Variants in CFAP20DC observed in about 807,000 individuals in gnomAD.
CFAP20DC encodes the protein protein CFAP20DC.
A neutral mutation model predicts 101.7 loss-of-function variants in CFAP20DC; 84 were observed. The observed-to-expected ratio is 0.83, with a 90% CI of 0.69 to 0.99. CFAP20DC has a LOEUF of 0.99. Among genes scored for constraint, CFAP20DC ranks in the 50% least tolerant of loss-of-function variants. The pLI, the probability that CFAP20DC is intolerant of heterozygous loss-of-function variation, is 0.00. For synonymous variants in CFAP20DC, 359 were observed against 351.2 expected, an observed-to-expected ratio of 1.02 and a Z score of -0.25; for missense variants, 1,007 against 970.3, an observed-to-expected ratio of 1.04 and a Z score of -0.50.
chr3:58,937,098 C>T (rs2087792373), intron 5 of CFAP20DC, among the ~76,000 whole-genome samples: 1 of 152,156 alleles, frequency 6.6e-6, no homozygotes, highest in Non-Finnish European at 1.5e-5. Context: ...TCAGGCCCTT[C>T]AGAAGTTATA....
At chr3:58,893,769 CTTT>C (rs928083578) in intron 6 of CFAP20DC, among the ~76,000 whole-genome samples, 1 of 139,032 alleles carries the variant, frequency 7.2e-6, no homozygotes. Context: ...TGTTCCTGGG[CTTT>C]TTTTTTTTGG....
chr3:59,046,216 A>C lies in CFAP20DC; in HGVS notation c.205+13T>G. 1 of 1,503,876 alleles carries C rather than the reference A, an allele frequency of 6.6e-7. No homozygotes were observed. 93.2% of individuals were successfully genotyped at this position (1,503,876 alleles called of 1,614,324 possible). A position where few individuals can be genotyped will look rare whatever the true frequency, so the allele number is the denominator to read the frequency against. On this transcript the variant is annotated intron_variant, in intron 3 of 16. Transcript: ENST00000482387. ...ACAAAATGTTAAGTTTCAATATTAA[A>C]AATATTACTTACGGCTTTGCTTATT...
chr3:58,843,830 C>A lies in CFAP20DC; in HGVS notation c.1971+5202G>T, dbSNP rs1460180380. The stretch of plus-strand genomic sequence containing the variant: ...AGCGGATCTCTCGGCAGAAACCCTA[C>A]AAGCCAGAAGAGAGTGGGGGCCAAT... On this transcript the variant is annotated intron_variant, in intron 13 of 16. Transcript: ENST00000482387. Among the ~76,000 whole-genome samples, 3 of 143,508 alleles carry A rather than the reference C, an allele frequency of 2.1e-5. No homozygotes were observed. The East Asian group carries it at 6.1e-4, about 29-fold the overall frequency. The allele number at this position is 143,508 out of a possible 152,430, so 94.1% of individuals were successfully genotyped here. A position where few individuals can be genotyped will look rare whatever the true frequency, so the allele number is the denominator to read the frequency against.
chr3:58,871,143 A>AC (rs1398679040), intron 7 of CFAP20DC, among the ~76,000 whole-genome samples: 1 of 152,026 alleles, frequency 6.6e-6, no homozygotes, highest in Non-Finnish European at 1.5e-5. Flanking sequence ...AGAATAAGTG[A>AC]CCCCTTCATG....
intron 14 of CFAP20DC, among the ~76,000 whole-genome samples, chr3:58,807,030 T>C (rs950969215): frequency 1.3e-5 from 2 of 152,116 alleles, no homozygotes; most frequent in Admixed American, 6.6e-5. Context: ...GTGCCCGCCA[T>C]TGCCCAGACT....
intron 4 of CFAP20DC, among the ~76,000 whole-genome samples, chr3:58,956,935 C>T (rs1255557825): frequency 3.3e-5 from 5 of 152,116 alleles, no homozygotes; most frequent in African/African-American, 9.7e-5. Flanking sequence ...GGAAACCACA[C>T]CCATGATCCA....
intron 4 of CFAP20DC, among the ~76,000 whole-genome samples, chr3:58,999,889 G>A (rs1311656809): frequency 6.8e-6 from 1 of 148,082 alleles, no homozygotes; most frequent in Non-Finnish European, 1.5e-5. Flanking sequence ...AGCACGGGAA[G>A]GCCACAAAGA....
At chr3:59,029,201 C>A (rs185626726) in intron 4 of CFAP20DC, among the ~76,000 whole-genome samples, 3 of 152,114 alleles carry the variant, frequency 2.0e-5, no homozygotes, top group Non-Finnish European at 4.4e-5. Flanking sequence ...GAGCCTATTA[C>A]GTGTCATGCC....
intron 6 of CFAP20DC, among the ~76,000 whole-genome samples, chr3:58,896,139 T>C (rs937373656): frequency 6.6e-6 from 1 of 152,210 alleles, no homozygotes; most frequent in South Asian, 2.1e-4. Context: ...TATGCATCCA[T>C]GAATTTATCC....
Position 59,031,674 on chromosome 3 carries a change from TTCTA to T in CFAP20DC, c.278+7879_278+7882del, listed in dbSNP as rs536942712. Reference sequence around the variant, plus strand: ...CTGAATAAAACAAACGTATAAATTGTTCTATCTATCTTTTATCACCCAAGAAGAC... The same window carrying T: ...CTGAATAAAACAAACGTATAAATTGTTCTATCTTTTATCACCCAAGAAGAC... On this transcript the variant is annotated intron_variant, in intron 4 of 16. Transcript: ENST00000482387. 6.7e-4 allele frequency among the ~76,000 whole-genome samples: 102 copies of T among 152,314 alleles called. 1 individual carries two copies. The East Asian group carries it at 0.011, about 16-fold the overall frequency.
rs548640429 is a variant in CFAP20DC, at chr3:58,809,795, T to C, written c.2176-3339A>G. The stretch of plus-strand genomic sequence containing the variant: ...TTTTTGAAAGGATCAACAAAATTGA[T>C]AGACCTCCAGCAAGACTAATAAAGA... On this transcript the variant is annotated intron_variant, in intron 14 of 16. Coordinates refer to ENST00000482387, the MANE Select transcript of CFAP20DC (RefSeq NM_001394063.1). Among the ~76,000 whole-genome samples the C allele has an allele frequency of 1.3e-4, 20 of 152,130 alleles. 1 individual carries two copies. The South Asian group carries it at 3.7e-3, about 28-fold the overall frequency.
intron 15 of CFAP20DC, among the ~76,000 whole-genome samples, chr3:58,767,572 T>A (rs917273160): frequency 9.9e-5 from 15 of 152,220 alleles, no homozygotes; most frequent in African/African-American, 3.6e-4. Context: ...TTTAAAACTT[T>A]CTGTAGAGAC....
At chr3:58,999,708 C>G (rs367784328) in intron 4 of CFAP20DC, among the ~76,000 whole-genome samples, 7 of 152,150 alleles carry the variant, frequency 4.6e-5, no homozygotes, top group African/African-American at 1.4e-4. Flanking sequence ...AATTGACACA[C>G]TAGAAAATAC....
chr3:58,967,252 C>A (rs1047128076), intron 4 of CFAP20DC, among the ~76,000 whole-genome samples: 3 of 152,068 alleles, frequency 2.0e-5, no homozygotes, highest in African/African-American at 7.2e-5. Flanking sequence ...GGCACCAAGA[C>A]AATTTAATGG....
At position 58,874,951 on chromosome 3, in the gene CFAP20DC, A is replaced by T. The variant is rs1483487942; in HGVS notation, c.716-4642T>A. Among the ~76,000 whole-genome samples the T allele has an allele frequency of 6.6e-6, 1 of 152,158 alleles. No homozygotes were observed. Among genetic ancestry groups the T allele is most frequent in the Non-Finnish European group, 1.5e-5 (1 of 68,016 alleles). On this transcript the variant is annotated intron_variant, in intron 7 of 16. Transcript: ENST00000482387. The surrounding 1 kb of genome is among the most constrained non-coding windows in gnomAD (Gnocchi z 5.1). The stretch of plus-strand genomic sequence containing the variant: ...CATTAAATGAAATGAGTCAGAAGGG[A>T]AGTTGGATTAAATGACTCAAAAATG...
chr3:58,858,058 C>T (rs779920116), intron 12 of CFAP20DC, among the ~76,000 whole-genome samples: 2 of 152,132 alleles, frequency 1.3e-5, no homozygotes, highest in Non-Finnish European at 2.9e-5. Context: ...TATCATTTAG[C>T]TACTGAAAAC....
At chr3:58,745,525 C>A (rs138681923) in intron 16 of CFAP20DC, among the ~76,000 whole-genome samples, 2,153 of 152,284 alleles carry the variant, frequency 0.014, 28 homozygotes, top group Non-Finnish European at 0.021. Flanking sequence ...CATTTCACCT[C>A]ATCGGACCTT....
chr3:58,802,439 T>G (rs200928539), intron 15 of CFAP20DC, among the ~76,000 whole-genome samples: 9 of 152,338 alleles, frequency 5.9e-5, no homozygotes, highest in African/African-American at 2.2e-4. Flanking sequence ...ATAGAGGCTG[T>G]CAGTGCCCTA....
Position 58,806,399 on chromosome 3 carries a change from G to C in CFAP20DC, c.2233C>G (p.Pro745Ala). Residue 745 changes from proline (P) to alanine (A), a missense_variant, in exon 15 of 17, where the codon CCC (proline) becomes GCC (alanine). Transcript: ENST00000482387. ...KEMNPPSPSN[P>A]RDWLNMLSPP... ...TAGATTATTAATGATTCTTACCGGG[G>C]ATTAGAAGGAGAAGGTGGGTTCATT... The C allele has an allele frequency of 2.5e-6, 4 of 1,592,198 alleles. No individual in the cohort carries two copies. Among genetic ancestry groups the C allele is most frequent in the East Asian group, 2.2e-5 (1 of 44,766 alleles).
Sources: allele counts gnomAD v4.1 joint callset (sites outside exome capture counted in the v4.1 genomes callset), GRCh38; gene constraint gnomAD v4.1.1; non-coding constraint Gnocchi (gnomAD v3.1); transcripts MANE v1.5; gene names NCBI Gene and HGNC (gene_info 2026-07-23, HGNC 2026-07-21).